Variants in SDC1 observed in about 807,000 individuals in gnomAD.
The protein encoded by SDC1 is syndecan 1, also known as syndecan-1.
In SDC1, 14 loss-of-function variants were observed where a neutral mutation model predicts 29.7. The ratio of observed to expected loss-of-function variants is 0.47; its 90% CI spans 0.31 to 0.74. The LOEUF (loss-of-function observed/expected upper bound fraction) is 0.74, where lower values mean the gene tolerates loss of function less well. Ranked by LOEUF, SDC1 falls within the 30% of genes least tolerant of loss-of-function variation. The probability of loss-of-function intolerance (pLI) is 0.05; values close to 1 mark genes in which losing one functional copy is unlikely to be tolerated. For missense variants in SDC1, 406 were observed against 400.3 expected, an observed-to-expected ratio of 1.01 and a Z score of -0.12; for synonymous variants, 204 against 175.5, an observed-to-expected ratio of 1.16 and a Z score of -1.29.
Position 20,201,936 on chromosome 2 carries a change from G to A in SDC1, c.*830C>T, listed in dbSNP as rs1190252697. 3 of 269,394 alleles carry A rather than the reference G, an allele frequency of 1.1e-5. No individual in the cohort carries two copies. Among genetic ancestry groups the A allele is most frequent in the African/African-American group, 2.3e-5 (1 of 44,412 alleles). 16.7% of individuals were successfully genotyped at this position (269,394 alleles called of 1,614,324 possible). On this transcript the variant is annotated 3_prime_UTR_variant, in exon 5 of 5. Transcript: ENST00000254351. ...GGCACGACTGCTTGAAAGAGGCGGCGGCCCCACGGCAGCCTGGACTGGCCA... is the reference window on the plus strand; with the variant it reads ...GGCACGACTGCTTGAAAGAGGCGGCAGCCCCACGGCAGCCTGGACTGGCCA...
intron 1 of SDC1, among the ~76,000 whole-genome samples, chr2:20,207,659 T>C (rs1011443629): frequency 2.0e-5 from 3 of 152,200 alleles, no homozygotes; most frequent in African/African-American, 7.2e-5. Flanking sequence ...TGAGCTGAGA[T>C]TGTGCCACTG....
Position 20,202,768 on chromosome 2 carries a change from A to G in SDC1, c.931T>C (p.Ter311ArgextTer21), listed in dbSNP as rs1677066961. The G allele has an allele frequency of 1.2e-6, 2 of 1,600,530 alleles. No individual in the cohort carries two copies. The highest frequency in any genetic ancestry group is 1.7e-6 in the Non-Finnish European group (2 of 1,172,566). The part of the protein sequence containing the change: ...KPTKQEEFYA[*>R] Reference sequence around the variant, plus strand: ...GGAGGGGGCGCATGGCTCCCGCGTCAGGCATAGAATTCCTCCTGTTTGGTG... The same window carrying G: ...GGAGGGGGCGCATGGCTCCCGCGTCGGGCATAGAATTCCTCCTGTTTGGTG... The change falls in exon 5 of 5, where the codon TGA becomes CGA. Residue 311 changes from the stop codon to arginine, a stop_lost. Transcript: ENST00000254351.
chr2:20,217,529 T>C (rs1454668197), intron 1 of SDC1, among the ~76,000 whole-genome samples: 1 of 152,104 alleles, frequency 6.6e-6, no homozygotes, highest in East Asian at 1.9e-4. Context: ...CCCTTCCCCC[T>C]ATGTCACAGA....
Position 20,201,380 on chromosome 2 carries a change from G to A in SDC1, c.*1386C>T, listed in dbSNP as rs565360740. The A allele has an allele frequency of 6.6e-6, 1 of 152,362 alleles. No individual in the cohort carries two copies. 9.4% of individuals were successfully genotyped at this position (152,362 alleles called of 1,614,324 possible). A position where few individuals can be genotyped will look rare whatever the true frequency, so the allele number is the denominator to read the frequency against. ...AACCAGAATCCCTCCCCATGGGAAA[G>A]ACGAAGGCACAGAGATTCGAGCCAA... is the stretch of plus-strand genomic sequence containing the variant. On this transcript the variant is annotated 3_prime_UTR_variant, in exon 5 of 5. Transcript: ENST00000254351.
chr2:20,218,803 A>T (rs962098789), intron 1 of SDC1, among the ~76,000 whole-genome samples: 2 of 151,328 alleles, frequency 1.3e-5, no homozygotes, highest in Non-Finnish European at 2.9e-5. Flanking sequence ...ATATACACAC[A>T]GACATACACA....
chr2:20,215,630 A>G (rs1249411225), intron 1 of SDC1, among the ~76,000 whole-genome samples: 1 of 152,206 alleles, frequency 6.6e-6, no homozygotes, highest in Non-Finnish European at 1.5e-5. Context: ...AGGGGCCCCA[A>G]TCATATCACA....
At position 20,224,330 on chromosome 2, in the gene SDC1, G is replaced by T; in HGVS notation, c.66+472C>A. The T allele has an allele frequency of 6.5e-6, 1 of 154,808 alleles. No individual in the cohort carries two copies. The highest frequency in any genetic ancestry group is 6.6e-5 in the Admixed American group (1 of 15,234). The allele number at this position is 154,808 out of a possible 1,614,324, so 9.6% of individuals were successfully genotyped here. ...GCGCTGCGCCCAAACTTGCCCTGGC[G>T]CAAGGGGCGGGGCGCCCGGGCTCGG... On this transcript the variant is annotated intron_variant, in intron 1 of 4. Transcript: ENST00000254351. The surrounding 1 kb of genome is among the most constrained non-coding windows in gnomAD (Gnocchi z 4.9).
chr2:20,221,783 G>A lies in SDC1; in HGVS notation c.66+3019C>T, dbSNP rs535632930. On this transcript the variant is annotated intron_variant, in intron 1 of 4. Coordinates refer to ENST00000254351, the MANE Select transcript of SDC1 (RefSeq NM_002997.5). The stretch of plus-strand genomic sequence containing the variant: ...TGTCTCCCTACCAATGTGTGTTAAT[G>A]AGGTTTTACTGGAACCCATCATGAG... Among the ~76,000 whole-genome samples the A allele has an allele frequency of 2.0e-5, 3 of 152,136 alleles. No individual in the cohort carries two copies. In the South Asian group the frequency reaches 6.2e-4, roughly 32 times the overall value.
chr2:20,207,871 T>A (rs72783294), intron 1 of SDC1: 61,842 of 891,368 alleles, frequency 0.069, 2,249 homozygotes, highest in African/African-American at 0.084. Flanking sequence ...TCCTTCATCA[T>A]CAAAGAATAC....
At position 20,203,972 on chromosome 2, in the gene SDC1, G is replaced by A. The variant is rs1318931000; in HGVS notation, c.468C>T (p.Asp156=). 9 of 1,613,880 alleles carry A rather than the reference G, an allele frequency of 5.6e-6. No individual in the cohort carries two copies. In the South Asian group the frequency reaches 8.8e-5, roughly 16 times the overall value. The change falls in exon 3 of 5, where the codon GAC becomes GAT. Residue 156 remains aspartate (D), a synonymous_variant. Coordinates refer to ENST00000254351, the MANE Select transcript of SDC1 (RefSeq NM_002997.5). ...AGGTCTCATGGTGGCCAGGCTGCAT[G>A]TCCCTGTGGGGGTGGGAGGTGGCGG... The part of the protein sequence containing the change: ...QEPATSHPHR[D]MQPGHHETST...
chr2:20,220,311 A>G (rs897157667), intron 1 of SDC1, among the ~76,000 whole-genome samples: 2 of 152,174 alleles, frequency 1.3e-5, no homozygotes, highest in African/African-American at 4.8e-5. Context: ...CAGGCTTCTC[A>G]GGGGAGACTT....
chr2:20,205,280 C>G (rs3732165), intron 2 of SDC1, 63 bp downstream of exon 2: 106,850 of 1,239,320 alleles, frequency 0.086, 5,184 homozygotes, highest in African/African-American at 0.17. Context: ...GACTGCCTGA[C>G]CACTGCCCAC....
rs180837316 is a variant in SDC1 at position 20,210,207 on chromosome 2, G to A, written c.67-4783C>T. Among the ~76,000 whole-genome samples the A allele has an allele frequency of 3.1e-3, 466 of 152,294 alleles. 1 individual carries two copies. The highest frequency in any genetic ancestry group is 3.5e-3 in the African/African-American group (145 of 41,576). On this transcript the variant is annotated intron_variant, in intron 1 of 4. Coordinates refer to ENST00000254351, the MANE Select transcript of SDC1 (RefSeq NM_002997.5). ...AAATACAAAATTAGCTGGGCGTGGC[G>A]GTGTGCACCTGTACTCCCAGCTACT...
Position 20,202,392 on chromosome 2 carries a change from G to A in SDC1, c.*374C>T, listed in dbSNP as rs532026774. Reference sequence around the variant, plus strand: ...GGTGTGTGAGCCCCAAGCCCCACCCGCAGGATCTTCCAGCCACATGAGGCC... The same window carrying A: ...GGTGTGTGAGCCCCAAGCCCCACCCACAGGATCTTCCAGCCACATGAGGCC... On this transcript the variant is annotated 3_prime_UTR_variant, in exon 5 of 5. Transcript: ENST00000254351. 2.1e-5 allele frequency: 15 copies of A among 699,952 alleles called. No homozygotes were observed. Among genetic ancestry groups the A allele is most frequent in the African/African-American group, 1.4e-4 (8 of 56,308 alleles). The allele number at this position is 699,952 out of a possible 1,614,324, so 43.4% of individuals were successfully genotyped here.
At chr2:20,205,063 C>A (rs1397868848) in intron 2 of SDC1, among the ~76,000 whole-genome samples, 1 of 152,236 alleles carries the variant, frequency 6.6e-6, no homozygotes, top group Admixed American at 6.5e-5. Flanking sequence ...GTGAGTAAAG[C>A]TATTCCTAGT....
intron 1 of SDC1, among the ~76,000 whole-genome samples, chr2:20,219,797 C>T (rs1374002068): frequency 1.3e-5 from 2 of 152,236 alleles, no homozygotes; most frequent in Non-Finnish European, 2.9e-5. Context: ...GCCCGGCAAT[C>T]GCCTAATGAC....
upstream of SDC1, chr2:20,225,167 A>G: frequency 4.8e-6 from 1 of 209,242 alleles, no homozygotes; most frequent in Non-Finnish European, 9.0e-6. Flanking sequence ...TCTCCCGGCC[A>G]GCCCCAGTCC....
At chr2:20,222,316 C>T (rs1677848754) in intron 1 of SDC1, among the ~76,000 whole-genome samples, 1 of 152,192 alleles carries the variant, frequency 6.6e-6, no homozygotes, top group African/African-American at 2.4e-5. Flanking sequence ...CTTGCAAATA[C>T]CTTCTCCCAT....
chr2:20,205,468 G>C (rs375223576), intron 1 of SDC1, 44 bp from the exon 2 acceptor site: 11 of 1,525,518 alleles, frequency 7.2e-6, no homozygotes, highest in Non-Finnish European at 1.0e-5. Context: ...GCTTGGCCGG[G>C]TCTCTGCTGC....
Sources: gnomAD v4.1 joint callset for allele counts (sites outside exome capture counted in the v4.1 genomes callset) on GRCh38, gnomAD v4.1.1 for gene constraint, Gnocchi (gnomAD v3.1) non-coding constraint, MANE v1.5 for transcripts, NCBI Gene and HGNC (gene_info 2026-07-23, HGNC 2026-07-21) for gene names.